Variants in TRPM3 observed in about 807,000 individuals in gnomAD.
The protein encoded by TRPM3 is long transient receptor potential channel 3.
TRPM3 carries 77 observed loss-of-function variants against 181.2 expected under a neutral mutation model. That is an observed-to-expected ratio of 0.42 (90% confidence interval 0.35 to 0.51). The LOEUF (loss-of-function observed/expected upper bound fraction) is 0.51. Ranked by LOEUF, TRPM3 falls within the 20% of genes least tolerant of loss-of-function variation. The pLI is 0.01. For synonymous variants in TRPM3, 745 were observed against 796.4 expected (o/e 0.94, Z 1.09); for missense variants, 1,759 against 2,196.7 (o/e 0.80, Z 3.98).
chr9:71,345,219 A>G (rs959740995), intron 1 of TRPM3, among the ~76,000 whole-genome samples: 2 of 152,190 alleles, frequency 1.3e-5, no homozygotes, highest in Admixed American at 1.3e-4. Context: ...ATACCATTTG[A>G]CCCATCAATC....
chr9:70,698,771 G>A lies in TRPM3; in HGVS notation c.1273-17193C>T, dbSNP rs923123429. 2.6e-5 allele frequency among the ~76,000 whole-genome samples: 4 copies of A among 151,626 alleles called. 1 individual carries two copies. The highest frequency in any genetic ancestry group is 1.3e-4 in the Admixed American group (2 of 15,200). On this transcript the variant is annotated intron_variant, in intron 8 of 25. Transcript: ENST00000677713. ...CTGTATAGTGAGTGAGTTCTCATGA[G>A]ATCTTTTGTTTAAAAGTGTGTGGCA...
chr9:71,032,021 AT>A (rs1229311878), intron 1 of TRPM3, among the ~76,000 whole-genome samples: 4 of 51,788 alleles, frequency 7.7e-5, no homozygotes, highest in African/African-American at 1.7e-4. Flanking sequence ...TATAATATAT[AT>A]ATATAATATA....
At chr9:71,323,754 G>C (rs2089443576) in intron 1 of TRPM3, among the ~76,000 whole-genome samples, 1 of 152,134 alleles carries the variant, frequency 6.6e-6, no homozygotes, top group Non-Finnish European at 1.5e-5. Flanking sequence ...GAAAAATAAA[G>C]TTGACACGTT....
At chr9:71,110,413 A>G (rs1326748322) in intron 1 of TRPM3, among the ~76,000 whole-genome samples, 2 of 152,238 alleles carry the variant, frequency 1.3e-5, no homozygotes, top group Non-Finnish European at 2.9e-5. Context: ...GTTGTTCATA[A>G]ATAAGTTTTA....
chr9:71,213,303 C>T (rs1286561990), intron 1 of TRPM3, among the ~76,000 whole-genome samples: 3 of 151,798 alleles, frequency 2.0e-5, no homozygotes, highest in Admixed American at 1.3e-4. Flanking sequence ...TTTTTTCAAT[C>T]ATTAAAAAAA....
intron 1 of TRPM3, among the ~76,000 whole-genome samples, chr9:71,425,272 A>T (rs2093843809): frequency 6.6e-6 from 1 of 152,164 alleles, no homozygotes; most frequent in African/African-American, 2.4e-5. Context: ...TCTAACTGGG[A>T]CATCTTTTTG....
At chr9:70,951,500 C>T (rs757389954) in intron 1 of TRPM3, among the ~76,000 whole-genome samples, 15 of 152,154 alleles carry the variant, frequency 9.9e-5, no homozygotes, top group Non-Finnish European at 1.8e-4. Context: ...CACAACCACA[C>T]TCAGCTAATT....
intron 1 of TRPM3, among the ~76,000 whole-genome samples, chr9:71,353,693 C>T (rs1251187675): frequency 3.3e-5 from 5 of 152,136 alleles, no homozygotes; most frequent in Middle Eastern, 6.3e-3. Context: ...TTATTATAGT[C>T]CTCTGTACCC....
At chr9:70,867,234 C>G (rs1034893748) in intron 1 of TRPM3, among the ~76,000 whole-genome samples, 1 of 152,030 alleles carries the variant, frequency 6.6e-6, no homozygotes, top group Non-Finnish European at 1.5e-5. Context: ...TGAGAAATGG[C>G]TATACAGCAA....
rs368118555 is a variant in TRPM3, at chr9:70,995,475, AT to A, written c.177+125702del. Among the ~76,000 whole-genome samples, 54 of 149,366 alleles carry A rather than the reference AT, an allele frequency of 3.6e-4. No individual in the cohort carries two copies. The Middle Eastern group carries it at 0.01, about 28-fold the overall frequency. ...TTCCAAACCCAAACACACTGGATCT[AT>A]TTTTTTTTTAACTGCGTTATGTTTT... is the stretch of plus-strand genomic sequence containing the variant. On this transcript the variant is annotated intron_variant, in intron 1 of 25. Transcript: ENST00000677713.
chr9:70,910,738 A>G (rs1242005697), intron 1 of TRPM3, among the ~76,000 whole-genome samples: 1 of 152,170 alleles, frequency 6.6e-6, no homozygotes, highest in Non-Finnish European at 1.5e-5. Flanking sequence ...AGCACTTACT[A>G]TGGGCCAGGC....
At chr9:70,571,196 G>A (rs927815636) in intron 22 of TRPM3, among the ~76,000 whole-genome samples, 1 of 152,200 alleles carries the variant, frequency 6.6e-6, no homozygotes, top group Non-Finnish European at 1.5e-5. Flanking sequence ...CCCAGGCTCC[G>A]GAGCCGGCCA....
chr9:71,106,845 T>C (rs1466607068), intron 1 of TRPM3, among the ~76,000 whole-genome samples: 2 of 152,182 alleles, frequency 1.3e-5, no homozygotes, highest in Non-Finnish European at 2.9e-5. Context: ...TGTTTGGATA[T>C]GGAAAATGAG....
chr9:71,405,657 A>G (rs1442068846), intron 1 of TRPM3, among the ~76,000 whole-genome samples: 2 of 152,138 alleles, frequency 1.3e-5, no homozygotes, highest in Admixed American at 6.5e-5. Flanking sequence ...TCTAATTCTA[A>G]TTGTTTTGTA....
intron 1 of TRPM3, among the ~76,000 whole-genome samples, chr9:71,345,920 C>A (rs987136896): frequency 6.6e-6 from 1 of 152,112 alleles, no homozygotes; most frequent in Non-Finnish European, 1.5e-5. Context: ...AAAATATTGG[C>A]AGATGTGGAC....
At position 70,858,979 on chromosome 9, in the gene TRPM3, G is replaced by C. The variant is rs181335835; in HGVS notation, c.462+3929C>G. Among the ~76,000 whole-genome samples the C allele has an allele frequency of 4.9e-3, 744 of 152,136 alleles. 3 individuals are homozygous for C. Among genetic ancestry groups the C allele is most frequent in the African/African-American group, 0.017 (687 of 41,518 alleles). ...TGCAGCATTTCAGGGTAATGATAAG[G>C]GAGCAGCCTTCTCTGTCTTGGGCTG... is the stretch of plus-strand genomic sequence containing the variant. On this transcript the variant is annotated intron_variant, in intron 3 of 25. Transcript: ENST00000677713.
chr9:71,101,622 T>C (rs886701834), intron 1 of TRPM3, among the ~76,000 whole-genome samples: 3 of 152,150 alleles, frequency 2.0e-5, no homozygotes, highest in African/African-American at 7.2e-5. Flanking sequence ...AAGTCTTTCA[T>C]TGGAAGCAAT....
chr9:71,443,007 C>T (rs2094154222), intron 1 of TRPM3, among the ~76,000 whole-genome samples: 2 of 152,082 alleles, frequency 1.3e-5, no homozygotes, highest in African/African-American at 4.8e-5. Context: ...CATTAATATC[C>T]AGAAACTTAA....
chr9:71,024,997 A>G (rs1565001659), intron 1 of TRPM3, among the ~76,000 whole-genome samples: 1 of 152,204 alleles, frequency 6.6e-6, no homozygotes, highest in Non-Finnish European at 1.5e-5. Context: ...CTGGTTCACC[A>G]ATACCTCTCA....
Sources: gnomAD v4.1 joint callset for allele counts (sites outside exome capture counted in the v4.1 genomes callset) on GRCh38, gnomAD v4.1.1 for gene constraint, MANE v1.5 for transcripts, NCBI Gene and HGNC (gene_info 2026-07-23, HGNC 2026-07-21) for gene names.